Variants in NLGN1 observed in about 807,000 individuals in gnomAD.
NLGN1 encodes neuroligin 1.
In NLGN1, 12 loss-of-function variants were observed where a neutral mutation model predicts 65.5. The ratio of observed to expected loss-of-function variants is 0.18; its 90% CI spans 0.12 to 0.30. The LOEUF is 0.30. Among genes scored for constraint, NLGN1 ranks in the 10% least tolerant of loss-of-function variants. NLGN1 has a pLI of 1.00. For synonymous variants in NLGN1, 350 were observed against 359.5 expected, an observed-to-expected ratio of 0.97 and a Z score of 0.30; for missense variants, 750 against 1,007.1, an observed-to-expected ratio of 0.74 and a Z score of 3.46.
chr3:173,407,640 T>C (rs1321447665), intron 1 of NLGN1, among the ~76,000 whole-genome samples: 2 of 152,004 alleles, frequency 1.3e-5, no homozygotes, highest in African/African-American at 4.8e-5. Flanking sequence ...TATGAATAAA[T>C]AGAGAAGAGG....
chr3:173,995,807 T>C (rs957030702), intron 4 of NLGN1, among the ~76,000 whole-genome samples: 5 of 151,648 alleles, frequency 3.3e-5, no homozygotes, highest in Admixed American at 2.6e-4. Context: ...TTGCCTCAGT[T>C]TCCCAAGCAT....
chr3:173,996,731 A>G (rs1293292512), intron 4 of NLGN1, among the ~76,000 whole-genome samples: 1 of 152,212 alleles, frequency 6.6e-6, no homozygotes, highest in Non-Finnish European at 1.5e-5. Flanking sequence ...GGACTACTTC[A>G]GACTATGTAA....
chr3:174,036,806 C>G (rs1731232978), intron 4 of NLGN1, among the ~76,000 whole-genome samples: 1 of 151,962 alleles, frequency 6.6e-6, no homozygotes, highest in South Asian at 2.1e-4. Context: ...TCTCTGTGTC[C>G]ATGTGTTCCC....
At chr3:174,032,092 A>C (rs1730150213) in intron 4 of NLGN1, among the ~76,000 whole-genome samples, 1 of 152,200 alleles carries the variant, frequency 6.6e-6, no homozygotes, top group South Asian at 2.1e-4. Flanking sequence ...ATTAATTGAA[A>C]GGTAAGAGTA....
At chr3:173,464,057 C>A (rs531025871) in intron 2 of NLGN1, among the ~76,000 whole-genome samples, 1 of 151,662 alleles carries the variant, frequency 6.6e-6, no homozygotes, top group Non-Finnish European at 1.5e-5. Flanking sequence ...ATGGAGAGAC[C>A]AAAAAGTTTG....
At chr3:174,241,875 G>A (rs1466596453) in intron 4 of NLGN1, among the ~76,000 whole-genome samples, 1 of 152,024 alleles carries the variant, frequency 6.6e-6, no homozygotes, top group Non-Finnish European at 1.5e-5. Context: ...AGCCAGGATG[G>A]TCTCGATCTC....
At chr3:173,760,746 G>A (rs1458956958) in intron 3 of NLGN1, among the ~76,000 whole-genome samples, 1 of 151,928 alleles carries the variant, frequency 6.6e-6, no homozygotes, top group Non-Finnish European at 1.5e-5. Flanking sequence ...CCAAATGAGA[G>A]AAAAGCATAT....
intron 4 of NLGN1, among the ~76,000 whole-genome samples, chr3:173,894,802 T>C (rs1276971830): frequency 6.6e-6 from 1 of 152,056 alleles, no homozygotes; most frequent in Non-Finnish European, 1.5e-5. Flanking sequence ...CACGCCTGGC[T>C]AATTTTGTAA....
intron 4 of NLGN1, among the ~76,000 whole-genome samples, chr3:174,151,062 A>G (rs1215732530): frequency 1.3e-5 from 2 of 151,878 alleles, no homozygotes; most frequent in Non-Finnish European, 2.9e-5. Flanking sequence ...TCTACAGCTC[A>G]CATAATCCCC....
At chr3:173,935,519 C>A (rs1744880935) in intron 4 of NLGN1, among the ~76,000 whole-genome samples, 1 of 151,332 alleles carries the variant, frequency 6.6e-6, no homozygotes, top group South Asian at 2.1e-4. Context: ...TGACACTCTT[C>A]CACAAAGTTA....
At chr3:174,285,893 T>G (rs1408853335) in exon 7 of NLGN1, 2 of 151,498 alleles carry the variant, frequency 1.3e-5, no homozygotes, top group Admixed American at 6.6e-5. Flanking sequence ...ATTTGGACAT[T>G]TTTACATTTA....
intron 4 of NLGN1, among the ~76,000 whole-genome samples, chr3:173,852,146 G>A (rs1727055791): frequency 1.3e-5 from 2 of 151,398 alleles, no homozygotes; most frequent in Admixed American, 1.3e-4. Flanking sequence ...CACGAGGTCA[G>A]GAGATCGAGA....
chr3:174,174,282 CAT>C (rs1329358579), intron 4 of NLGN1, among the ~76,000 whole-genome samples: 2 of 151,982 alleles, frequency 1.3e-5, no homozygotes, highest in Non-Finnish European at 2.9e-5. Context: ...CTGCTAAAAA[CAT>C]GTGTGTTCAA....
chr3:174,120,624 T>C (rs541090014), intron 4 of NLGN1, among the ~76,000 whole-genome samples: 1 of 152,348 alleles, frequency 6.6e-6, no homozygotes, highest in African/African-American at 2.4e-5. Flanking sequence ...CTTTGACTTC[T>C]TAAAGAGTTT....
At chr3:173,648,970 A>T (rs1176183662) in intron 3 of NLGN1, among the ~76,000 whole-genome samples, 1 of 152,134 alleles carries the variant, frequency 6.6e-6, no homozygotes, top group Non-Finnish European at 1.5e-5. Context: ...TGTTCATAGA[A>T]CCTTTATTTC....
intron 4 of NLGN1, among the ~76,000 whole-genome samples, chr3:174,219,885 C>A (rs914498191): frequency 6.6e-6 from 1 of 152,104 alleles, no homozygotes; most frequent in Non-Finnish European, 1.5e-5. Context: ...AGATTGCGGG[C>A]TGCAGTTCAG....
intron 4 of NLGN1, among the ~76,000 whole-genome samples, chr3:173,851,519 T>A (rs1726914349): frequency 6.6e-6 from 1 of 152,198 alleles, no homozygotes; most frequent in African/African-American, 2.4e-5. Flanking sequence ...GTTTAAAGAG[T>A]GATCTTATAC....
chr3:174,235,144 A>G (rs1741482965), intron 4 of NLGN1, among the ~76,000 whole-genome samples: 1 of 151,794 alleles, frequency 6.6e-6, no homozygotes, highest in Non-Finnish European at 1.5e-5. Context: ...GAGAAATCAG[A>G]TTTCATATGT....
At chr3:174,199,532 A>G (rs1471576604) in intron 4 of NLGN1, among the ~76,000 whole-genome samples, 1 of 151,812 alleles carries the variant, frequency 6.6e-6, no homozygotes, top group Non-Finnish European at 1.5e-5. Context: ...AGAGCTCACA[A>G]TCTATGAGGG....
Sources: gnomAD v4.1 joint callset for allele counts (sites outside exome capture counted in the v4.1 genomes callset) on GRCh38, gnomAD v4.1.1 for gene constraint, MANE v1.5 for transcripts, NCBI Gene and HGNC (gene_info 2026-07-23, HGNC 2026-07-21) for gene names.